Variants in DNAJA4 observed in about 807,000 individuals in gnomAD.
DNAJA4 encodes dnaJ homolog subfamily A member 4.
In DNAJA4, 32 loss-of-function variants were observed where a neutral mutation model predicts 39.7. The observed-to-expected ratio is 0.81, with a 90% CI of 0.61 to 1.08. The LOEUF is 1.08. Ranked by LOEUF, DNAJA4 falls within the 50% of genes least tolerant of loss-of-function variation. DNAJA4 has a pLI of 0.00. For missense variants in DNAJA4, 439 were observed against 505.1 expected (o/e 0.87, Z 1.25); for synonymous variants, 184 against 182.4 (o/e 1.01, Z -0.07).
chr15:78,275,322 C>T (rs2049421597), intron 4 of DNAJA4, 176 bp from the exon 5 acceptor site: 2 of 588,452 alleles, frequency 3.4e-6, no homozygotes, highest in East Asian at 2.8e-5. Context: ...CCAAGGGAAG[C>T]GGGACCTCTT....
intron 5 of DNAJA4, among the ~76,000 whole-genome samples, chr15:78,278,675 G>A (rs796132707): frequency 2.0e-5 from 3 of 151,830 alleles, no homozygotes; most frequent in African/African-American, 4.8e-5. Context: ...TTTTTGAGAC[G>A]GAGTCTCGCT....
chr15:78,267,125 TGTGA>T (rs2049144686), intron 1 of DNAJA4, among the ~76,000 whole-genome samples: 2 of 111,422 alleles, frequency 1.8e-5, no homozygotes, highest in South Asian at 6.5e-4. Context: ...GCAGGCCTTT[TGTGA>T]GTGTGTATGT....
Position 78,279,906 on chromosome 15 carries a change from A to G in DNAJA4, c.878-139A>G, listed in dbSNP as rs201656393. ...GACAAGGATACCTGGGATTGGGGCC[A>G]GCTTTCCAGTCAGATGCCACGTTTC... On this transcript the variant is annotated intron_variant, in intron 5 of 6. Coordinates refer to ENST00000394852, the MANE Select transcript of DNAJA4 (RefSeq NM_001130182.2). This position sits in a 1 kb window ranked among gnomAD's most constrained non-coding sequence, Gnocchi z 4.5. The G allele has an allele frequency of 2.5e-5, 18 of 722,858 alleles. No individual in the cohort carries two copies. In the East Asian group the frequency reaches 3.9e-4, roughly 16 times the overall value. The allele number at this position is 722,858 out of a possible 1,614,324, so 44.8% of individuals were successfully genotyped here. A position where few individuals can be genotyped will look rare whatever the true frequency, so the allele number is the denominator to read the frequency against.
At position 78,264,960 on chromosome 15, in the gene DNAJA4, T is replaced by C. The variant is rs1001972965; in HGVS notation, c.132+65T>C. 6.2e-6 allele frequency: 9 copies of C among 1,454,164 alleles called. No homozygotes were observed. In the South Asian group the frequency reaches 1.2e-4, roughly 19 times the overall value. 90.1% of individuals were successfully genotyped at this position (1,454,164 alleles called of 1,614,324 possible). On this transcript the variant is annotated intron_variant, in intron 1 of 6. Coordinates refer to ENST00000394852, the MANE Select transcript of DNAJA4 (RefSeq NM_001130182.2). The stretch of plus-strand genomic sequence containing the variant: ...GCCAAGGGTTATTAAGCCAGGAGCA[T>C]TGAAGGCGACGGGAAACCTGAGCCG...
intron 1 of DNAJA4, 129 bp downstream of exon 1, chr15:78,265,024 A>C (rs2049082602): frequency 1.7e-6 from 2 of 1,166,286 alleles, no homozygotes; most frequent in Non-Finnish European, 2.3e-6. Flanking sequence ...CCTCGGGGCC[A>C]GGCCGGGCAG....
chr15:78,275,743 T>A lies in DNAJA4; in HGVS notation c.877+15T>A, dbSNP rs2049437719. On this transcript the variant is annotated intron_variant, in intron 5 of 6. Coordinates refer to ENST00000394852, the MANE Select transcript of DNAJA4 (RefSeq NM_001130182.2). ...ATCCAAAGCAGGTAATGTTTCAAAG[T>A]GTGTTTCCATTGATGTTCTGTATGT... 6.4e-7 allele frequency: 1 copy of A among 1,553,764 alleles called. No homozygotes were observed. The highest frequency in any genetic ancestry group is 1.4e-5 in the African/African-American group (1 of 73,648).
intron 2 of DNAJA4, among the ~76,000 whole-genome samples, chr15:78,272,489 C>T (rs776130794): frequency 6.6e-6 from 1 of 152,226 alleles, no homozygotes; most frequent in Non-Finnish European, 1.5e-5. Context: ...GCAGGAGCTC[C>T]ACGGGCAGCA....
rs142469778 is a variant in DNAJA4, at chr15:78,267,185, T to TGTGA, written c.132+2293_132+2294insAGTG. Among the ~76,000 whole-genome samples the TGTGA allele has an allele frequency of 2.4e-3, 246 of 102,598 alleles. 1 individual carries two copies. The highest frequency in any genetic ancestry group is 4.8e-3 in the Middle Eastern group (1 of 210). 67.3% of individuals were successfully genotyped at this position (102,598 alleles called of 152,430 possible). A position where few individuals can be genotyped will look rare whatever the true frequency, so the allele number is the denominator to read the frequency against. ...ATGTGAGTGTGTGAGTGTGTGAGTG[T>TGTGA]GTGTGTGAGTGTGTATGTGAGTGTG... On this transcript the variant is annotated intron_variant, in intron 1 of 6. Coordinates refer to ENST00000394852, the MANE Select transcript of DNAJA4 (RefSeq NM_001130182.2).
chr15:78,264,211 C>A, upstream of DNAJA4: 1 of 822,930 alleles, frequency 1.2e-6, no homozygotes, highest in South Asian at 2.9e-5. Flanking sequence ...TCCAGCCAGC[C>A]GGCTCCACGG....
chr15:78,264,470 C>T (rs936550163), upstream of DNAJA4: 11 of 1,323,686 alleles, frequency 8.3e-6, no homozygotes, highest in African/African-American at 1.5e-4. Flanking sequence ...GGAACCTCCG[C>T]GAAGGTTCTA....
Position 78,273,076 on chromosome 15 carries a change from T to C in DNAJA4, c.314-19T>C, listed in dbSNP as rs2049347105. On this transcript the variant is annotated intron_variant, in intron 2 of 6. Transcript: ENST00000394852. ...TATATTTCATTCAACGCCACTAATT[T>C]TTTTTCTCCCTTGCTAAGGCAAGAA... 4.2e-6 allele frequency: 6 copies of C among 1,425,072 alleles called. No homozygotes were observed. The highest frequency in any genetic ancestry group is 5.9e-6 in the Non-Finnish European group (6 of 1,012,850). The allele number at this position is 1,425,072 out of a possible 1,614,324, so 88.3% of individuals were successfully genotyped here. A position where few individuals can be genotyped will look rare whatever the true frequency, so the allele number is the denominator to read the frequency against.
chr15:78,277,795 A>G (rs1180307626), intron 5 of DNAJA4: 2 of 341,856 alleles, frequency 5.9e-6, no homozygotes, highest in Admixed American at 4.0e-5. Flanking sequence ...GGTGGTGGAG[A>G]AAGAGCCCCA....
At chr15:78,267,978 G>A (rs904460002) in intron 1 of DNAJA4, among the ~76,000 whole-genome samples, 2 of 152,136 alleles carry the variant, frequency 1.3e-5, no homozygotes, top group African/African-American at 2.4e-5. Flanking sequence ...GGTCCGGGCC[G>A]GGAGCTGAAT....
At chr15:78,268,580 A>G (rs1413328892) in intron 1 of DNAJA4, among the ~76,000 whole-genome samples, 1 of 151,964 alleles carries the variant, frequency 6.6e-6, no homozygotes, top group Non-Finnish European at 1.5e-5. Context: ...TTCCCTGAAT[A>G]TTTTTTGGAG....
At chr15:78,278,329 C>T (rs1271274737) in intron 5 of DNAJA4, 1 of 454,962 alleles carries the variant, frequency 2.2e-6, no homozygotes, top group East Asian at 7.0e-5. Context: ...ACAGAAAAAC[C>T]AGTCATATGT....
intron 5 of DNAJA4, chr15:78,277,997 C>G: frequency 2.2e-6 from 1 of 454,906 alleles, no homozygotes; most frequent in Non-Finnish European, 4.4e-6. Flanking sequence ...TGGCTTATTT[C>G]TTGTTTCTCC....
chr15:78,273,273 C>G, intron 3 of DNAJA4, 74 bp downstream of exon 3: 1 of 957,372 alleles, frequency 1.0e-6, no homozygotes, highest in Non-Finnish European at 1.7e-6. Context: ...TTTTATAGTT[C>G]AGGGAAAATA....
intron 1 of DNAJA4, among the ~76,000 whole-genome samples, chr15:78,267,145 T>TGTGAGTGTGTATGTGA (rs1555438015): frequency 1.0e-5 from 1 of 95,584 alleles, no homozygotes; most frequent in Non-Finnish European, 2.4e-5. Context: ...TATGTGAGTG[T>TGTGAGTGTGTATGTGA]GTGTGTGAGT....
chr15:78,264,280 CTCCAGG>C, upstream of DNAJA4: 1 of 1,355,258 alleles, frequency 7.4e-7, no homozygotes, highest in Non-Finnish European at 9.5e-7. Flanking sequence ...GGAGGGCGCC[CTCCAGG>C]CCCAAGCCGC....
Sources: allele counts gnomAD v4.1 joint callset (sites outside exome capture counted in the v4.1 genomes callset), GRCh38; gene constraint gnomAD v4.1.1; non-coding constraint Gnocchi (gnomAD v3.1); transcripts MANE v1.5; gene names NCBI Gene and HGNC (gene_info 2026-07-23, HGNC 2026-07-21).